Variants in SPDYE4 observed in about 807,000 individuals in gnomAD.
The protein encoded by SPDYE4 is speedy/RINGO cell cycle regulator family member E4.
Under a neutral mutation model 37.5 loss-of-function variants are expected in SPDYE4, and 30 were observed. The ratio of observed to expected loss-of-function variants is 0.80; its 90% CI spans 0.60 to 1.09. The LOEUF (loss-of-function observed/expected upper bound fraction) is 1.09, where lower values mean the gene tolerates loss of function less well. SPDYE4 is among the 50% of genes least tolerant of loss of function. The pLI, the probability that SPDYE4 is intolerant of heterozygous loss-of-function variation, is 0.00. For missense variants in SPDYE4, 300 were observed against 307.9 expected (o/e 0.97, Z 0.19); for synonymous variants, 131 against 120.3 (o/e 1.09, Z -0.58).
At chr17:8,756,462 G>A in intron 2 of SPDYE4, 26 bp from the exon 3 acceptor site, 1 of 1,612,026 alleles carries the variant, frequency 6.2e-7, no homozygotes, top group East Asian at 2.2e-5. Context: ...CTGTGTCAGG[G>A]TGAGAAGTGG....
chr17:8,756,519 C>T, intron 2 of SPDYE4, 83 bp from the exon 3 acceptor site: 1 of 1,339,732 alleles, frequency 7.5e-7, no homozygotes, highest in Admixed American at 1.8e-5. Flanking sequence ...GAACTGTGTC[C>T]CTCTGGGGGA....
chr17:8,755,711 G>A, intron 3 of SPDYE4, 106 bp from the exon 4 acceptor site: 1 of 1,374,106 alleles, frequency 7.3e-7, no homozygotes, highest in East Asian at 2.3e-5. Context: ...GTCTATCACA[G>A]AAGGAACCTC....
chr17:8,756,492 C>CAGCAG, intron 2 of SPDYE4, 56 bp from the exon 3 acceptor site: 6 of 1,536,990 alleles, frequency 3.9e-6, no homozygotes, highest in Non-Finnish European at 4.5e-6. Flanking sequence ...GCCGTGGGAG[C>CAGCAG]AGCAGAGCAG....
downstream of SPDYE4, among the ~76,000 whole-genome samples, chr17:8,749,097 AT>A (rs535722696): frequency 1.7e-4 from 25 of 147,508 alleles, no homozygotes; most frequent in South Asian, 2.1e-4. Context: ...AATGTTTTGA[AT>A]TTTTTTTTTT....
chr17:8,755,362 A>G (rs1213082311), intron 4 of SPDYE4, 158 bp downstream of exon 4: 4 of 937,636 alleles, frequency 4.3e-6, no homozygotes, highest in Non-Finnish European at 6.2e-6. Flanking sequence ...GTTTTTAGAA[A>G]GAACAGACTA....
downstream of SPDYE4, among the ~76,000 whole-genome samples, chr17:8,748,340 A>G (rs1249302879): frequency 6.6e-6 from 1 of 152,258 alleles, no homozygotes; most frequent in Non-Finnish European, 1.5e-5. Context: ...GAAGACAGCC[A>G]TCTGCAAACC....
intron 1 of SPDYE4, among the ~76,000 whole-genome samples, chr17:8,757,742 G>A (rs562750500): frequency 2.1e-4 from 31 of 150,202 alleles, no homozygotes; most frequent in African/African-American, 7.3e-4. Context: ...GAGAAAAATG[G>A]AAACCTTCCC....
At chr17:8,757,206 G>A (rs2086779389) in intron 2 of SPDYE4, 56 bp downstream of exon 2, 1 of 1,488,190 alleles carries the variant, frequency 6.7e-7, no homozygotes, top group South Asian at 1.2e-5. Context: ...ATTATTGAAA[G>A]ATTCCACTTT....
chr17:8,754,713 C>T (rs2086757465), intron 4 of SPDYE4, among the ~76,000 whole-genome samples: 1 of 152,182 alleles, frequency 6.6e-6, no homozygotes, highest in Non-Finnish European at 1.5e-5. Context: ...CACTAAAGTG[C>T]TGTGGGCGTG....
intron 1 of SPDYE4, among the ~76,000 whole-genome samples, 193 bp downstream of exon 1, chr17:8,758,081 C>T (rs1468636737): frequency 6.6e-6 from 1 of 152,124 alleles, no homozygotes; most frequent in Non-Finnish European, 1.5e-5. Context: ...CCCTTCATTG[C>T]TCCCCAGACT....
chr17:8,757,319 G>A lies in SPDYE4; in HGVS notation c.283C>T (p.Arg95Ter), dbSNP rs774388838. The A allele has an allele frequency of 1.9e-5, 31 of 1,603,304 alleles. No homozygotes were observed. Among genetic ancestry groups the A allele is most frequent in the Admixed American group, 6.9e-5 (4 of 58,060 alleles). Residue 95 changes from arginine to a stop codon, truncating the protein, a stop_gained, in exon 2 of 7, where the codon CGA becomes TGA. Coordinates refer to ENST00000689094, the MANE Select transcript of SPDYE4 (RefSeq NM_001394956.1). LOFTEE classifies it high-confidence loss of function. ...GGGAGCACGGAGGATGCTCGCTTTC[G>A]CTTCAGCTTCATCTTGAGCCCACAC... ...TLCGLKMKLK[R>*]KRASSVLPEH...
At chr17:8,753,937 T>G (rs2086751582) in intron 4 of SPDYE4, among the ~76,000 whole-genome samples, 1 of 151,826 alleles carries the variant, frequency 6.6e-6, no homozygotes, top group Admixed American at 6.6e-5. Flanking sequence ...TTCCTTGTCA[T>G]GTATGCACAC....
Position 8,758,540 on chromosome 17 carries a change from T to A in SPDYE4, c.-158A>T. 1 of 660,128 alleles carries A rather than the reference T, an allele frequency of 1.5e-6. No homozygotes were observed. The allele number at this position is 660,128 out of a possible 1,614,324, so 40.9% of individuals were successfully genotyped here. A position where few individuals can be genotyped will look rare whatever the true frequency, so the allele number is the denominator to read the frequency against. Reference sequence around the variant, plus strand: ...GAGTAGTTCTGAGAAGTTGCTGTTGTCCACCTGAACTCCCAAGCAACCAGA... The same window carrying A: ...GAGTAGTTCTGAGAAGTTGCTGTTGACCACCTGAACTCCCAAGCAACCAGA... On this transcript the variant is annotated 5_prime_UTR_variant, in exon 1 of 7. Coordinates refer to ENST00000689094, the MANE Select transcript of SPDYE4 (RefSeq NM_001394956.1).
rs1597352606 is a variant in SPDYE4, at chr17:8,755,373, A to T, written c.485+147T>A. 8 of 1,014,650 alleles carry T rather than the reference A, an allele frequency of 7.9e-6. No individual in the cohort carries two copies. The East Asian group carries it at 2.0e-4, about 25-fold the overall frequency. 62.9% of individuals were successfully genotyped at this position (1,014,650 alleles called of 1,614,324 possible). A position where few individuals can be genotyped will look rare whatever the true frequency, so the allele number is the denominator to read the frequency against. ...GTTTGTTTTTAGAAAGAACAGACTA[A>T]GAACACCATAGTATAATCTTATCGT... is the stretch of plus-strand genomic sequence containing the variant. On this transcript the variant is annotated intron_variant, in intron 4 of 6. Transcript: ENST00000689094.
At chr17:8,749,196 A>C (rs538083393), downstream of SPDYE4, among the ~76,000 whole-genome samples, 1 of 150,632 alleles carries the variant, frequency 6.6e-6, no homozygotes, top group East Asian at 2.0e-4. Flanking sequence ...AGGCCCAAGC[A>C]ATCCTCCCAC....
intron 6 of SPDYE4, among the ~76,000 whole-genome samples, 171 bp from the exon 7 acceptor site, chr17:8,752,408 T>C (rs1368253315): frequency 6.6e-6 from 1 of 152,178 alleles, no homozygotes; most frequent in Admixed American, 6.5e-5. Flanking sequence ...TTGATTCTGG[T>C]ACTCACACTT....
At position 8,753,075 on chromosome 17, in the gene SPDYE4, C is replaced by A; in HGVS notation, c.*44+19G>T. 1 of 1,566,832 alleles carries A rather than the reference C, an allele frequency of 6.4e-7. No homozygotes were observed. On this transcript the variant is annotated intron_variant, in intron 6 of 6. Transcript: ENST00000689094. ...TAGATGAGAATATTCTGCCTTTACCCTGGAGGATACACACGTACCTTCCCT... is the reference window on the plus strand; with the variant it reads ...TAGATGAGAATATTCTGCCTTTACCATGGAGGATACACACGTACCTTCCCT...
Position 8,757,498 on chromosome 17 carries a change from T to C in SPDYE4, c.110-6A>G. On this transcript the variant is annotated splice_polypyrimidine_tract_variant and splice_region_variant and intron_variant, in intron 1 of 6. Transcript: ENST00000689094. ...GCTGGGATCTATCCAAGGGGCTGAG[T>C]GAAGAAACCAGGCCATGGTGTCATG... 1.2e-6 allele frequency: 2 copies of C among 1,608,790 alleles called. No individual in the cohort carries two copies. Among genetic ancestry groups the C allele is most frequent in the Non-Finnish European group, 1.7e-6 (2 of 1,177,422 alleles).
At chr17:8,756,536 A>G in intron 2 of SPDYE4, 100 bp from the exon 3 acceptor site, 2 of 1,203,922 alleles carry the variant, frequency 1.7e-6, no homozygotes, top group South Asian at 1.3e-5. Flanking sequence ...GGGAAGTCTC[A>G]GGATTGTGGC....
Sources: allele counts gnomAD v4.1 joint callset (sites outside exome capture counted in the v4.1 genomes callset), GRCh38; gene constraint gnomAD v4.1.1; transcripts MANE v1.5; gene names NCBI Gene and HGNC (gene_info 2026-07-23, HGNC 2026-07-21).